Variants in KALRN observed in about 807,000 individuals in gnomAD.
KALRN encodes the protein kalirin.
Under a neutral mutation model 353.7 loss-of-function variants are expected in KALRN, and 70 were observed. The observed-to-expected ratio is 0.20, with a 90% CI of 0.16 to 0.24. The LOEUF (loss-of-function observed/expected upper bound fraction) is 0.24. Ranked by LOEUF, KALRN falls within the 10% of genes least tolerant of loss-of-function variation. The pLI, the probability that KALRN is intolerant of heterozygous loss-of-function variation, is 1.00. For missense variants in KALRN, 2,791 were observed against 3,756.7 expected (o/e 0.74, Z 6.72); for synonymous variants, 1,391 against 1,434.8 (o/e 0.97, Z 0.69).
chr3:124,187,993 T>C (rs2074430188), intron 1 of KALRN, among the ~76,000 whole-genome samples: 1 of 152,124 alleles, frequency 6.6e-6, no homozygotes, highest in Non-Finnish European at 1.5e-5. Flanking sequence ...TAGGGAAACA[T>C]TTTAAAAAAC....
chr3:124,158,978 CAG>C (rs547174296), intron 1 of KALRN, among the ~76,000 whole-genome samples: 110 of 152,292 alleles, frequency 7.2e-4, no homozygotes, highest in Non-Finnish European at 1.4e-3. Flanking sequence ...GGCCTGGACT[CAG>C]GGCCCTATAG....
chr3:124,235,287 G>T (rs1438643670), intron 3 of KALRN, among the ~76,000 whole-genome samples: 2 of 152,124 alleles, frequency 1.3e-5, no homozygotes, highest in African/African-American at 4.8e-5. Context: ...GATAGCAAAA[G>T]ATTTTTTTTT....
At chr3:124,439,593 G>A (rs1169146382) in intron 18 of KALRN, among the ~76,000 whole-genome samples, 1 of 152,236 alleles carries the variant, frequency 6.6e-6, no homozygotes, top group East Asian at 1.9e-4. Flanking sequence ...GCAAAAATTA[G>A]GGTAAGAATT....
At chr3:124,467,445 G>A (rs2060452560) in intron 25 of KALRN, among the ~76,000 whole-genome samples, 1 of 152,186 alleles carries the variant, frequency 6.6e-6, no homozygotes, top group African/African-American at 2.4e-5. Flanking sequence ...GGAGCACAAA[G>A]AAAATAGCCT....
chr3:124,196,003 A>G (rs1423802029), intron 1 of KALRN, among the ~76,000 whole-genome samples: 4 of 152,170 alleles, frequency 2.6e-5, no homozygotes, highest in Admixed American at 1.3e-4. Flanking sequence ...TCTTTCCCCA[A>G]CTGTCCACTC....
chr3:124,476,422 A>G (rs543602599), intron 26 of KALRN, among the ~76,000 whole-genome samples: 44 of 152,092 alleles, frequency 2.9e-4, no homozygotes, highest in African/African-American at 1.0e-3. Flanking sequence ...GAGTTAATAC[A>G]TGTAAAGCTC....
Position 124,225,707 on chromosome 3 carries a change from A to G in KALRN, c.74-2283A>G, listed in dbSNP as rs184384457. ...CTCCAAGGATGGGAGTAGAGAGGAG[A>G]TAGGATGGGGAACCCTTTGCTTCCA... On this transcript the variant is annotated intron_variant, in intron 1 of 59. Coordinates refer to ENST00000682506, the MANE Select transcript of KALRN (RefSeq NM_001388419.1). Among the ~76,000 whole-genome samples the G allele has an allele frequency of 1.4e-3, 213 of 152,278 alleles. 3 individuals carry two copies. The highest frequency in any genetic ancestry group is 5.0e-3 in the African/African-American group (208 of 41,558).
At chr3:124,100,170 A>C (rs1167540336) in intron 1 of KALRN, among the ~76,000 whole-genome samples, 1 of 152,212 alleles carries the variant, frequency 6.6e-6, no homozygotes, top group Non-Finnish European at 1.5e-5. Context: ...TCTCAAAAAA[A>C]AAGAAAAAGT....
chr3:124,459,725 A>G (rs2059669958), intron 23 of KALRN, among the ~76,000 whole-genome samples: 1 of 152,058 alleles, frequency 6.6e-6, no homozygotes, highest in Non-Finnish European at 1.5e-5. Flanking sequence ...ATATTTTGAC[A>G]CTCTGTTTGT....
At chr3:124,439,147 T>G in intron 18 of KALRN, 110 bp downstream of exon 18, 1 of 1,013,100 alleles carries the variant, frequency 9.9e-7, no homozygotes, top group African/African-American at 1.7e-5. Flanking sequence ...CTCTTTCTCT[T>G]TCTCTCTCTT....
intron 27 of KALRN, among the ~76,000 whole-genome samples, chr3:124,481,876 C>T (rs1027110971): frequency 2.0e-5 from 3 of 152,166 alleles, no homozygotes; most frequent in African/African-American, 7.2e-5. Flanking sequence ...TTTTTATTGG[C>T]TATACCATTT....
intron 34 of KALRN, among the ~76,000 whole-genome samples, chr3:124,612,137 G>A (rs1578338028): frequency 6.6e-6 from 1 of 152,140 alleles, no homozygotes; most frequent in East Asian, 1.9e-4. Flanking sequence ...CGATTCTCCT[G>A]CCTCAGCCTC....
At chr3:124,076,649 G>C (rs2060274389) in intron 1 of KALRN, among the ~76,000 whole-genome samples, 1 of 152,176 alleles carries the variant, frequency 6.6e-6, no homozygotes. Flanking sequence ...TTTCTCTAGA[G>C]GTTGTGAACT....
At chr3:124,633,613 T>A (rs1323997512) in intron 35 of KALRN, among the ~76,000 whole-genome samples, 1 of 144,798 alleles carries the variant, frequency 6.9e-6, no homozygotes, top group Non-Finnish European at 1.5e-5. Context: ...GATAGATAGT[T>A]TCTGGTTTTG....
intron 13 of KALRN, among the ~76,000 whole-genome samples, chr3:124,400,083 T>C (rs2090668579): frequency 6.6e-6 from 1 of 152,150 alleles, no homozygotes; most frequent in South Asian, 2.1e-4. Flanking sequence ...CTGGGTTTGG[T>C]GAGCTTCCCA....
intron 10 of KALRN, chr3:124,384,416 AAGTGAGTCTCCCACTT>A (rs2087882710): frequency 6.5e-6 from 1 of 154,116 alleles, no homozygotes; most frequent in East Asian, 1.9e-4. Context: ...GAGAAAAGCA[AAGTGAGTCTCCCACTT>A]AGTGTTTTTC....
In KALRN at chr3:124,130,306, A is replaced by G. The variant is rs555247752; in HGVS notation, c.73+96493A>G. On this transcript the variant is annotated intron_variant, in intron 1 of 59. Transcript: ENST00000682506. ...GTATATCTCTGAATATGTTAAATGTATATTCAGAGCTCTCTGAACTTCTCA... is the reference window on the plus strand; with the variant it reads ...GTATATCTCTGAATATGTTAAATGTGTATTCAGAGCTCTCTGAACTTCTCA... 2.6e-5 allele frequency among the ~76,000 whole-genome samples: 4 copies of G among 152,326 alleles called. No homozygotes were observed. In the East Asian group the frequency reaches 5.8e-4, roughly 22 times the overall value.
chr3:124,497,050 C>T (rs1014160978), intron 33 of KALRN, among the ~76,000 whole-genome samples: 8 of 152,166 alleles, frequency 5.3e-5, no homozygotes, highest in African/African-American at 1.9e-4. Flanking sequence ...TGCTTTCTAA[C>T]ATTTTGGAGC....
At chr3:124,164,619 A>G (rs1047670645) in intron 1 of KALRN, 1 of 152,378 alleles carries the variant, frequency 6.6e-6, no homozygotes, top group African/African-American at 2.4e-5. Context: ...CAGAAGGAGC[A>G]GTAACTATAG....
Sources: gnomAD v4.1 joint callset for allele counts (sites outside exome capture counted in the v4.1 genomes callset) on GRCh38, gnomAD v4.1.1 for gene constraint, MANE v1.5 for transcripts, NCBI Gene and HGNC (gene_info 2026-07-23, HGNC 2026-07-21) for gene names.